The following AHRR variants were observed in gnomAD, a reference collection of about 807,000 sequenced individuals.
AHRR encodes ahR repressor.
In AHRR, 28 loss-of-function variants were observed where a neutral mutation model predicts 44.0. The ratio of observed to expected loss-of-function variants is 0.64; its 90% confidence interval spans 0.47 to 0.87. The LOEUF (loss-of-function observed/expected upper bound fraction) is 0.87, where lower values mean the gene tolerates loss of function less well. Ranked by LOEUF, AHRR falls within the 40% of genes least tolerant of loss-of-function variation. The pLI, the probability that AHRR is intolerant of heterozygous loss-of-function variation, is 0.00. For synonymous variants in AHRR, 434 were observed against 407.0 expected (o/e 1.07, Z -0.80); for missense variants, 990 against 953.9 (o/e 1.04, Z -0.50).
Position 387,810 on chromosome 5 carries a change from T to C in AHRR, c.351+11094T>C, listed in dbSNP as rs1461375645. 6.6e-6 allele frequency among the ~76,000 whole-genome samples: 1 copy of C among 152,224 alleles called. No individual in the cohort carries two copies. Among genetic ancestry groups the C allele is most frequent in the Admixed American group, 6.5e-5 (1 of 15,286 alleles). On this transcript the variant is annotated intron_variant, in intron 4 of 10. Coordinates refer to ENST00000684583, the MANE Select transcript of AHRR (RefSeq NM_001377236.1). The surrounding 1 kb of genome is among the most constrained non-coding windows in gnomAD (Gnocchi z 5.1). The stretch of plus-strand genomic sequence containing the variant: ...AGCCTTAATGAATGACTGCAAACTG[T>C]GTGGCTCGAACAACAGGGGTTATTC...
chr5:417,015 T>G (rs1447461659), intron 5 of AHRR, among the ~76,000 whole-genome samples: 94 of 106,998 alleles, frequency 8.8e-4, no homozygotes, highest in Middle Eastern at 8.5e-3. Flanking sequence ...GGCTTGGTCT[T>G]TATGTGCAGG....
chr5:416,910 G>A (rs982536864), intron 5 of AHRR, among the ~76,000 whole-genome samples: 5 of 151,982 alleles, frequency 3.3e-5, no homozygotes, highest in African/African-American at 7.2e-5. Flanking sequence ...TGCAGGTCCC[G>A]AGTCTAGAGA....
At chr5:375,478 C>T (rs2126440611) in intron 3 of AHRR, among the ~76,000 whole-genome samples, 1 of 152,326 alleles carries the variant, frequency 6.6e-6, no homozygotes, top group East Asian at 1.9e-4. Flanking sequence ...TGAAGCATGG[C>T]CGCCTGGGCT....
At chr5:428,699 A>G (rs1736581478) in intron 8 of AHRR, among the ~76,000 whole-genome samples, 1 of 152,238 alleles carries the variant, frequency 6.6e-6, no homozygotes, top group Non-Finnish European at 1.5e-5. Flanking sequence ...TGAAATAATT[A>G]TACAACTTGG....
At chr5:362,487 C>G (rs1019007320) in intron 3 of AHRR, among the ~76,000 whole-genome samples, 7 of 152,204 alleles carry the variant, frequency 4.6e-5, no homozygotes, top group Admixed American at 3.9e-4. Flanking sequence ...TCCCTCACCC[C>G]CTTCCTCTCT....
In AHRR at chr5:427,450, G is replaced by A. The variant is rs538543922; in HGVS notation, c.709-357G>A. 2.6e-5 allele frequency among the ~76,000 whole-genome samples: 4 copies of A among 152,266 alleles called. No individual in the cohort carries two copies. The South Asian group carries it at 6.2e-4, about 24-fold the overall frequency. ...TGCGAATTCTTGCCAGGGGTTTGCC[G>A]CTGGCCCGGCTGTGGGCAGGTGGCA... On this transcript the variant is annotated intron_variant, in intron 7 of 10. Coordinates refer to ENST00000684583, the MANE Select transcript of AHRR (RefSeq NM_001377236.1).
In AHRR at chr5:395,215, G is replaced by A. The variant is rs1734646773; in HGVS notation, c.352-18129G>A. Among the ~76,000 whole-genome samples, 1 of 152,218 alleles carries A rather than the reference G, an allele frequency of 6.6e-6. No homozygotes were observed. The highest frequency in any genetic ancestry group is 1.5e-5 in the Non-Finnish European group (1 of 68,030). ...CTGTCCTCAAGTCCCCCTCCTGCCAGGTGGCCGACACTGGCTGCCCTGCGT... is the reference window on the plus strand; with the variant it reads ...CTGTCCTCAAGTCCCCCTCCTGCCAAGTGGCCGACACTGGCTGCCCTGCGT... On this transcript the variant is annotated intron_variant, in intron 4 of 10. Transcript: ENST00000684583. The surrounding 1 kb of genome is among the most constrained non-coding windows in gnomAD (Gnocchi z 5.3).
At chr5:323,997 C>CT (rs1247706500) in intron 1 of AHRR, among the ~76,000 whole-genome samples, 1 of 141,718 alleles carries the variant, frequency 7.1e-6, no homozygotes, top group Non-Finnish European at 1.5e-5. Context: ...ACCTTCCTTT[C>CT]TTTTTTTCTC....
intron 4 of AHRR, among the ~76,000 whole-genome samples, chr5:398,669 A>AC (rs945811764): frequency 9.9e-5 from 15 of 151,354 alleles, no homozygotes; most frequent in African/African-American, 2.7e-4. Flanking sequence ...TGCGTGCCCC[A>AC]CCCCCCTTGG....
rs994430520 is a variant in AHRR at position 387,207 on chromosome 5, C to T, written c.351+10491C>T. ...GGATGAGCCAGGACACGTGTCAGTT[C>T]GTACACAGAAGCGGGGTCCTGTCTC... On this transcript the variant is annotated intron_variant, in intron 4 of 10. Transcript: ENST00000684583. This position sits in a 1 kb window ranked among gnomAD's most constrained non-coding sequence, Gnocchi z 5.1. 3.3e-5 allele frequency among the ~76,000 whole-genome samples: 5 copies of T among 152,236 alleles called. No individual in the cohort carries two copies. The highest frequency in any genetic ancestry group is 7.3e-5 in the Non-Finnish European group (5 of 68,042).
In AHRR at chr5:427,866, A is replaced by T. The variant is rs760251828; in HGVS notation, c.768A>T (p.Ser256=). The T allele has an allele frequency of 1.2e-6, 2 of 1,613,998 alleles. No individual in the cohort carries two copies. The highest frequency in any genetic ancestry group is 2.7e-5 in the African/African-American group (2 of 74,954). The change falls in exon 8 of 11, where the codon TCA becomes TCT. Residue 256 remains serine, a synonymous_variant. Coordinates refer to ENST00000684583, the MANE Select transcript of AHRR (RefSeq NM_001377236.1). ...FLFGQKKKAP[S]GAMLPPRLSL... is the part of the protein sequence containing the mutation. ...TTGGACAGAAGAAGAAGGCGCCGTC[A>T]GGAGCCATGCTCCCGCCGCGGCTGT... is the stretch of plus-strand genomic sequence containing the variant.
At chr5:344,781 G>A (rs1425523199) in intron 2 of AHRR, among the ~76,000 whole-genome samples, 1 of 131,880 alleles carries the variant, frequency 7.6e-6, no homozygotes, top group Non-Finnish European at 1.6e-5. Flanking sequence ...GTGACTGTGC[G>A]GGTGTGCGAG....
intron 5 of AHRR, among the ~76,000 whole-genome samples, chr5:420,710 A>G (rs116704794): frequency 8.4e-4 from 128 of 152,268 alleles, no homozygotes; most frequent in African/African-American, 2.9e-3. Flanking sequence ...GACACCTTGC[A>G]TGGAAGGCGG....
chr5:323,249 G>A lies in AHRR; in HGVS notation c.-11+1430G>A, dbSNP rs1431553612. ...GGGACAGCTGAGTCTTGCCTCACAGGGGCATTTCTGTGGGGAGTTTGGTCC... is the reference window on the plus strand; with the variant it reads ...GGGACAGCTGAGTCTTGCCTCACAGAGGCATTTCTGTGGGGAGTTTGGTCC... On this transcript the variant is annotated intron_variant, in intron 1 of 10. Coordinates refer to ENST00000684583, the MANE Select transcript of AHRR (RefSeq NM_001377236.1). 2.6e-5 allele frequency among the ~76,000 whole-genome samples: 4 copies of A among 152,238 alleles called. No individual in the cohort carries two copies. The East Asian group carries it at 7.7e-4, about 29-fold the overall frequency.
rs116022459 is a variant in AHRR at position 377,442 on chromosome 5, G to A, written c.351+726G>A. Among the ~76,000 whole-genome samples, 544 of 152,236 alleles carry A rather than the reference G, an allele frequency of 3.6e-3. 1 individual carries two copies. Among genetic ancestry groups the A allele is most frequent in the South Asian group, 6.2e-3 (30 of 4,820 alleles). ...TTGAGTGGGCTTGCAGGGAGGAGGC[G>A]GGGACAACATGACATTTCCTGGGTA... On this transcript the variant is annotated intron_variant, in intron 4 of 10. Transcript: ENST00000684583.
In AHRR at chr5:432,875, T is replaced by G. The variant is rs764396885; in HGVS notation, c.1040T>G (p.Val347Gly). The G allele has an allele frequency of 1.1e-5, 18 of 1,613,676 alleles. No individual in the cohort carries two copies. The highest frequency in any genetic ancestry group is 1.4e-5 in the Non-Finnish European group (17 of 1,179,990). ...EQTDAGRWAQ[V>G]PARAPCLCLR... The stretch of plus-strand genomic sequence containing the variant: ...ACTGACGCTGGCCGATGGGCACAGG[T>G]TCCCGCCAGGGCCCCATGCCTGTGC... Residue 347 changes from valine to glycine, a missense_variant, in exon 10 of 11, where the codon GTT becomes GGT. Val to Gly is a moderately radical substitution (Grantham distance 109, BLOSUM62 -3). Transcript: ENST00000684583.
rs1368247363 is a variant in AHRR, at chr5:403,677, A to G, written c.352-9667A>G. 5 of 681,862 alleles carry G rather than the reference A, an allele frequency of 7.3e-6. 1 individual carries two copies. In the East Asian group the frequency reaches 1.4e-4, roughly 19 times the overall value. The allele number at this position is 681,862 out of a possible 1,614,324, so 42.2% of individuals were successfully genotyped here. ...AAAGTAACCACTTTAAATAGTTAAA[A>G]TGGTATTTTTTTTTTTTTACTTTCT... On this transcript the variant is annotated intron_variant, in intron 4 of 10. Transcript: ENST00000684583.
intron 7 of AHRR, among the ~76,000 whole-genome samples, chr5:424,885 C>T (rs1736316237): frequency 6.6e-6 from 1 of 152,238 alleles, no homozygotes; most frequent in Non-Finnish European, 1.5e-5. Context: ...AAAGGCCTCC[C>T]ACCCTGTCCC....
Position 432,897 on chromosome 5 carries a change from GT to G in AHRR, c.1063del (p.Cys355AlafsTer27). 1.2e-6 allele frequency: 2 copies of G among 1,613,548 alleles called. No individual in the cohort carries two copies. The highest frequency in any genetic ancestry group is 8.5e-7 in the Non-Finnish European group (1 of 1,179,988). On this transcript the variant is annotated frameshift_variant, in exon 10 of 11. Transcript: ENST00000684583. ...AQVPARAPCL[C>X]LRGGPDLVLD... is the part of the protein sequence containing the mutation. ...AGGTTCCCGCCAGGGCCCCATGCCT[GT>G]GCCTCCGGGGTGGCCCTGACCTTGT...
Sources: gnomAD v4.1 joint callset for allele counts (sites outside exome capture counted in the v4.1 genomes callset) on GRCh38, gnomAD v4.1.1 for gene constraint, Gnocchi (gnomAD v3.1) non-coding constraint, MANE v1.5 for transcripts, NCBI Gene and HGNC (gene_info 2026-07-23, HGNC 2026-07-21) for gene names.